COL23A1: variants seen among roughly 807,000 people sequenced by gnomAD.
COL23A1 encodes the protein collagen type XXIII alpha 1 chain.
A neutral mutation model predicts 99.3 loss-of-function variants in COL23A1; 97 were observed. The observed-to-expected ratio is 0.98, with a 90% CI of 0.83 to 1.16. The LOEUF (loss-of-function observed/expected upper bound fraction) is 1.16. COL23A1 is among the 50% of genes most tolerant of loss of function. The pLI is 0.00. For missense variants in COL23A1, 762 were observed against 757.4 expected (o/e 1.01, Z -0.07); for synonymous variants, 320 against 308.2 (o/e 1.04, Z -0.40).
At chr5:178,572,814 T>A (rs1763173386) in intron 1 of COL23A1, among the ~76,000 whole-genome samples, 1 of 152,224 alleles carries the variant, frequency 6.6e-6, no homozygotes, top group Non-Finnish European at 1.5e-5. Context: ...CAAATTGTGG[T>A]ATATCCATAT....
chr5:178,242,822 C>G (rs746125670), intron 25 of COL23A1, among the ~76,000 whole-genome samples: 5 of 152,224 alleles, frequency 3.3e-5, no homozygotes, highest in African/African-American at 4.8e-5. Context: ...GTCCATTCAT[C>G]TATCTGTCCG....
intron 1 of COL23A1, among the ~76,000 whole-genome samples, chr5:178,586,101 C>T (rs1220486041): frequency 6.6e-6 from 1 of 152,202 alleles, no homozygotes. Flanking sequence ...GAGGAAAGGA[C>T]AAGAGAACGG....
intron 2 of COL23A1, among the ~76,000 whole-genome samples, chr5:178,548,918 C>T (rs1278602179): frequency 2.0e-5 from 3 of 152,152 alleles, no homozygotes; most frequent in Non-Finnish European, 2.9e-5. Context: ...TATGTTCATA[C>T]ACTGCGATGG....
chr5:178,574,327 T>C (rs1015661461), intron 1 of COL23A1, among the ~76,000 whole-genome samples: 1 of 152,190 alleles, frequency 6.6e-6, no homozygotes, highest in Non-Finnish European at 1.5e-5. Flanking sequence ...TGGGCGCATA[T>C]ATTTGTCAAC....
intron 16 of COL23A1, among the ~76,000 whole-genome samples, chr5:178,252,978 C>T (rs1419565307): frequency 6.6e-6 from 1 of 152,194 alleles, no homozygotes; most frequent in Non-Finnish European, 1.5e-5. Context: ...AATGACATCC[C>T]CAATGGTGGC....
At chr5:178,487,498 A>G (rs1478241140) in intron 2 of COL23A1, among the ~76,000 whole-genome samples, 1 of 151,878 alleles carries the variant, frequency 6.6e-6, no homozygotes, top group Non-Finnish European at 1.5e-5. Context: ...TTTTTGTATC[A>G]GCCTCAGTAT....
intron 2 of COL23A1, among the ~76,000 whole-genome samples, chr5:178,480,592 G>A (rs1757281555): frequency 6.6e-6 from 1 of 152,186 alleles, no homozygotes; most frequent in Admixed American, 6.5e-5. Context: ...CTCCTGCTTT[G>A]CATGGCACGT....
chr5:178,295,790 A>G (rs1400505078), intron 3 of COL23A1, among the ~76,000 whole-genome samples: 1 of 152,268 alleles, frequency 6.6e-6, no homozygotes, highest in Non-Finnish European at 1.5e-5. Context: ...GCCATGAAAA[A>G]GGTAATGTTC....
rs1446189223 is a variant in COL23A1 at position 178,310,097 on chromosome 5, T to C, written c.362-3178A>G. ...GGTCTGATGTGACGTGCCAGTGAGATAGGGAGTGCCTTCCACCCTTCCTTT... is the reference window on the plus strand; with the variant it reads ...GGTCTGATGTGACGTGCCAGTGAGACAGGGAGTGCCTTCCACCCTTCCTTT... On this transcript the variant is annotated intron_variant, in intron 2 of 28. Coordinates refer to ENST00000390654, the MANE Select transcript of COL23A1 (RefSeq NM_173465.4). This position sits in a 1 kb window ranked among gnomAD's most constrained non-coding sequence, Gnocchi z 4.3. 2.6e-5 allele frequency among the ~76,000 whole-genome samples: 4 copies of C among 152,318 alleles called. No homozygotes were observed. Among genetic ancestry groups the C allele is most frequent in the Admixed American group, 2.0e-4 (3 of 15,306 alleles).
chr5:178,282,661 G>A (rs1483678006), intron 5 of COL23A1, among the ~76,000 whole-genome samples: 1 of 152,208 alleles, frequency 6.6e-6, no homozygotes, highest in East Asian at 1.9e-4. Flanking sequence ...AGGTAGGGTT[G>A]AAACCACTAG....
intron 2 of COL23A1, among the ~76,000 whole-genome samples, chr5:178,547,661 A>C (rs1362332243): frequency 1.0e-4 from 1 of 9,822 alleles, no homozygotes; most frequent in Non-Finnish European, 1.7e-4. Flanking sequence ...CCCCCCATAC[A>C]CACCCCCCAC....
At chr5:178,338,879 G>T (rs1280189213) in intron 2 of COL23A1, among the ~76,000 whole-genome samples, 1 of 152,274 alleles carries the variant, frequency 6.6e-6, no homozygotes, top group Admixed American at 6.5e-5. Context: ...ATGTAAACCC[G>T]ATGAGACTAT....
At chr5:178,509,595 C>T (rs1450827459) in intron 2 of COL23A1, among the ~76,000 whole-genome samples, 2 of 152,184 alleles carry the variant, frequency 1.3e-5, no homozygotes, top group Non-Finnish European at 2.9e-5. Context: ...CTGGTGACCT[C>T]TAAGGCCACC....
Position 178,498,877 on chromosome 5 carries a change from G to A in COL23A1, c.361+61805C>T, listed in dbSNP as rs1199802260. ...GGCTGAGGCGAGTGGATCACCTGAG[G>A]TCAGGAGTTCAAGACCATCCTGGCC... On this transcript the variant is annotated intron_variant, in intron 2 of 28. Coordinates refer to ENST00000390654, the MANE Select transcript of COL23A1 (RefSeq NM_173465.4). Among the ~76,000 whole-genome samples, 3 of 152,006 alleles carry A rather than the reference G, an allele frequency of 2.0e-5. 1 individual carries two copies. Among genetic ancestry groups the A allele is most frequent in the Non-Finnish European group, 4.4e-5 (3 of 67,986 alleles).
chr5:178,276,283 G>GCC (rs11438994), intron 5 of COL23A1, among the ~76,000 whole-genome samples: 3 of 152,098 alleles, frequency 2.0e-5, no homozygotes, highest in Admixed American at 2.0e-4. Context: ...AAATAAACTG[G>GCC]CCGCGTTTAG....
rs1325886525 is a variant in COL23A1 at position 178,258,260 on chromosome 5, T to TACAC, written c.730-694_730-693insGTGT. 1.6e-4 allele frequency among the ~76,000 whole-genome samples: 14 copies of TACAC among 88,974 alleles called. 1 individual carries two copies. The highest frequency in any genetic ancestry group is 3.5e-4 in the Admixed American group (3 of 8,468). The allele number at this position is 88,974 out of a possible 152,430, so 58.4% of individuals were successfully genotyped here. On this transcript the variant is annotated intron_variant, in intron 12 of 28. Coordinates refer to ENST00000390654, the MANE Select transcript of COL23A1 (RefSeq NM_173465.4). ...AAATATATATATATATATATATATA[T>TACAC]ATACACATGCAAATCAATTCTAGGC...
chr5:178,262,659 A>G (rs1335182061), intron 9 of COL23A1, among the ~76,000 whole-genome samples: 1 of 152,124 alleles, frequency 6.6e-6, no homozygotes, highest in African/African-American at 2.4e-5. Context: ...CCTGGGAGGA[A>G]AGCTGAGGCT....
chr5:178,523,171 TATATATACAC>T (rs1188010032), intron 2 of COL23A1, among the ~76,000 whole-genome samples: 8 of 109,878 alleles, frequency 7.3e-5, no homozygotes, highest in South Asian at 3.0e-4. Context: ...TACATATATA[TATATATACAC>T]ATATATATAT....
rs540544099 is a variant in COL23A1 at position 178,468,281 on chromosome 5, C to T, written c.361+92401G>A. Among the ~76,000 whole-genome samples the T allele has an allele frequency of 6.6e-6, 1 of 150,576 alleles. No individual in the cohort carries two copies. The highest frequency in any genetic ancestry group is 1.5e-5 in the Non-Finnish European group (1 of 67,730). On this transcript the variant is annotated intron_variant, in intron 2 of 28. Coordinates refer to ENST00000390654, the MANE Select transcript of COL23A1 (RefSeq NM_173465.4). This position sits in a 1 kb window ranked among gnomAD's most constrained non-coding sequence, Gnocchi z 4.2. Reference sequence around the variant, plus strand: ...GAGCAGAGGGCCCCTGCAGGAAGATCGGGAAGGTCTAAATCCAAGCTCATT... The same window carrying T: ...GAGCAGAGGGCCCCTGCAGGAAGATTGGGAAGGTCTAAATCCAAGCTCATT...
Sources: allele counts gnomAD v4.1 joint callset (sites outside exome capture counted in the v4.1 genomes callset), GRCh38; gene constraint gnomAD v4.1.1; non-coding constraint Gnocchi (gnomAD v3.1); transcripts MANE v1.5; gene names NCBI Gene and HGNC (gene_info 2026-07-23, HGNC 2026-07-21).